Variants in ARIH1 observed in about 807,000 individuals in gnomAD.
ARIH1 encodes the protein ariadne RBR E3 ubiquitin protein ligase 1.
A neutral mutation model predicts 85.0 loss-of-function variants in ARIH1; 8 were observed. That is an observed-to-expected ratio of 0.09 (90% CI 0.06 to 0.17). The LOEUF is 0.17. Ranked by LOEUF, ARIH1 falls within the 10% of genes least tolerant of loss-of-function variation. ARIH1 has a pLI of 1.00. For synonymous variants in ARIH1, 238 were observed against 253.6 expected, an observed-to-expected ratio of 0.94 and a Z score of 0.59; for missense variants, 311 against 718.1, an observed-to-expected ratio of 0.43 and a Z score of 6.48.
At chr15:72,542,008 G>A (rs2064109419) in intron 2 of ARIH1, among the ~76,000 whole-genome samples, 1 of 152,138 alleles carries the variant, frequency 6.6e-6, no homozygotes, top group African/African-American at 2.4e-5. Flanking sequence ...GGTGTAAGCT[G>A]GAACCTAAAG....
At chr15:72,535,779 C>G (rs893707661) in intron 2 of ARIH1, among the ~76,000 whole-genome samples, 3 of 148,798 alleles carry the variant, frequency 2.0e-5, no homozygotes, top group South Asian at 2.2e-4. Flanking sequence ...TGTAGATTTC[C>G]TTTAATGCAC....
At chr15:72,503,497 A>G (rs1298554984) in intron 1 of ARIH1, among the ~76,000 whole-genome samples, 3 of 152,102 alleles carry the variant, frequency 2.0e-5, no homozygotes, top group Non-Finnish European at 2.9e-5. Flanking sequence ...TCAGTTCTGT[A>G]GTGTTCTGGT....
chr15:72,509,627 C>T (rs534318172), intron 1 of ARIH1, among the ~76,000 whole-genome samples: 14 of 152,080 alleles, frequency 9.2e-5, no homozygotes, highest in South Asian at 2.1e-4. Flanking sequence ...CTTACTCTTT[C>T]GCCCAGGCTG....
rs558694637 is a variant in ARIH1, at chr15:72,601,735, C to T, written c.*18443C>T. ...ATGTTGTGCTTTTCACTTTCTTAGTCGCTATTATTGGAGTAGGTAATACAT... is the reference window on the plus strand; with the variant it reads ...ATGTTGTGCTTTTCACTTTCTTAGTTGCTATTATTGGAGTAGGTAATACAT... On this transcript the variant is annotated 3_prime_UTR_variant, in exon 14 of 14. Transcript: ENST00000379887. The T allele has an allele frequency of 3.5e-4, 54 of 152,212 alleles. No homozygotes were observed. Among genetic ancestry groups the T allele is most frequent in the African/African-American group, 1.2e-3 (48 of 41,534 alleles). 9.4% of individuals were successfully genotyped at this position (152,212 alleles called of 1,614,324 possible). A position where few individuals can be genotyped will look rare whatever the true frequency, so the allele number is the denominator to read the frequency against.
intron 4 of ARIH1, 100 bp from the exon 5 acceptor site, chr15:72,555,752 A>AT: frequency 1.1e-6 from 1 of 926,738 alleles, no homozygotes; most frequent in Non-Finnish European, 1.7e-6. Flanking sequence ...GATCCTGTAA[A>AT]CATTAAGGTA....
At chr15:72,537,424 A>G (rs2064087376) in intron 2 of ARIH1, among the ~76,000 whole-genome samples, 1 of 152,162 alleles carries the variant, frequency 6.6e-6, no homozygotes, top group Non-Finnish European at 1.5e-5. Flanking sequence ...TTATAAATGA[A>G]AAATAGTGCT....
chr15:72,514,187 C>T (rs545584729), intron 1 of ARIH1, among the ~76,000 whole-genome samples: 230 of 152,020 alleles, frequency 1.5e-3, no homozygotes, highest in African/African-American at 5.2e-3. Context: ...CATTTCTGAA[C>T]TATACTTTTA....
chr15:72,527,443 G>A (rs981258208), intron 2 of ARIH1, among the ~76,000 whole-genome samples: 2 of 151,958 alleles, frequency 1.3e-5, no homozygotes, highest in African/African-American at 4.8e-5. Flanking sequence ...TCCTGCCTGG[G>A]AGGAATTCTC....
chr15:72,487,033 A>G (rs903253807), intron 1 of ARIH1, among the ~76,000 whole-genome samples: 9 of 151,956 alleles, frequency 5.9e-5, no homozygotes, highest in African/African-American at 2.2e-4. Flanking sequence ...TGAAGATTTA[A>G]ATGAAAAATG....
At chr15:72,493,260 AACACTTTTT>A (rs1244834197) in intron 1 of ARIH1, among the ~76,000 whole-genome samples, 1 of 151,980 alleles carries the variant, frequency 6.6e-6, no homozygotes, top group Non-Finnish European at 1.5e-5. Context: ...AATCCAGACT[AACACTTTTT>A]GGGGGGGGAG....
rs922049851 is a variant in ARIH1, at chr15:72,595,990, T to G, written c.*12698T>G. 3.9e-5 allele frequency: 6 copies of G among 152,090 alleles called. No individual in the cohort carries two copies. Among genetic ancestry groups the G allele is most frequent in the African/African-American group, 1.4e-4 (6 of 41,496 alleles). The allele number at this position is 152,090 out of a possible 1,614,324, so 9.4% of individuals were successfully genotyped here. A position where few individuals can be genotyped will look rare whatever the true frequency, so the allele number is the denominator to read the frequency against. ...CACATGTCACCAAGCTCAGCTAACT[T>G]TTATATTTTTAGTAGAAACGGGGTT... is the stretch of plus-strand genomic sequence containing the variant. On this transcript the variant is annotated 3_prime_UTR_variant, in exon 14 of 14. Transcript: ENST00000379887.
Position 72,560,459 on chromosome 15 carries a change from A to C in ARIH1, c.738-1024A>C, listed in dbSNP as rs150107369. 3.3e-4 allele frequency among the ~76,000 whole-genome samples: 51 copies of C among 152,278 alleles called. 1 individual carries two copies. The East Asian group carries it at 9.1e-3, about 27-fold the overall frequency. Reference sequence around the variant, plus strand: ...TCTCACAACCATGTTTCTGATATCTATTTTACAGATTAGTAACTGAGAAAT... The same window carrying C: ...TCTCACAACCATGTTTCTGATATCTCTTTTACAGATTAGTAACTGAGAAAT... On this transcript the variant is annotated intron_variant, in intron 5 of 13. Coordinates refer to ENST00000379887, the MANE Select transcript of ARIH1 (RefSeq NM_005744.5).
At chr15:72,507,952 G>A (rs2063933544) in intron 1 of ARIH1, among the ~76,000 whole-genome samples, 1 of 152,218 alleles carries the variant, frequency 6.6e-6, no homozygotes, top group South Asian at 2.1e-4. Flanking sequence ...AGCCTGTGTA[G>A]TGGGAAATTG....
chr15:72,544,276 G>T (rs1017404977), intron 2 of ARIH1, among the ~76,000 whole-genome samples: 2 of 152,036 alleles, frequency 1.3e-5, no homozygotes, highest in Admixed American at 6.5e-5. Flanking sequence ...TTTTTAAGAT[G>T]ATTTGTGCAG....
In ARIH1 at chr15:72,476,345, G is replaced by A. The variant is rs183727724; in HGVS notation, c.375+1331G>A. 1.4e-3 allele frequency among the ~76,000 whole-genome samples: 215 copies of A among 152,228 alleles called. 1 individual carries two copies. Among genetic ancestry groups the A allele is most frequent in the East Asian group, 1.9e-3 (10 of 5,178 alleles). ...AATCTAGAGAACACAGTCTAAGAAG[G>A]AAGTTGAGGATTGTAGAAGATAATT... On this transcript the variant is annotated intron_variant, in intron 1 of 13. Transcript: ENST00000379887.
rs542559263 is a variant in ARIH1 at position 72,480,039 on chromosome 15, T to C, written c.375+5025T>C. On this transcript the variant is annotated intron_variant, in intron 1 of 13. Transcript: ENST00000379887. Reference sequence around the variant, plus strand: ...GCCGCTACCATGCCTGGCTAATTTTTTTGTATTTTTTAGTAGAGATGGGGT... The same window carrying C: ...GCCGCTACCATGCCTGGCTAATTTTCTTGTATTTTTTAGTAGAGATGGGGT... Among the ~76,000 whole-genome samples the C allele has an allele frequency of 1.2e-4, 18 of 151,932 alleles. 1 individual carries two copies. In the South Asian group the frequency reaches 3.7e-3, roughly 32 times the overall value.
intron 1 of ARIH1, among the ~76,000 whole-genome samples, chr15:72,506,358 A>AAAAAAAAAAAAAAAAAAAAG (rs1288918971): frequency 6.7e-6 from 1 of 148,508 alleles, no homozygotes; most frequent in South Asian, 2.1e-4. Flanking sequence ...TCACAAAAAA[A>AAAAAAAAAAAAAAAAAAAAG]AAAAAAAGAA....
chr15:72,518,946 T>C (rs974032387), intron 2 of ARIH1, among the ~76,000 whole-genome samples: 1 of 152,102 alleles, frequency 6.6e-6, no homozygotes, highest in African/African-American at 2.4e-5. Flanking sequence ...TTCTATTCCA[T>C]TGGGTTTTTA....
chr15:72,561,436 T>C (rs1328153870), intron 5 of ARIH1, 47 bp from the exon 6 acceptor site: 1 of 1,357,674 alleles, frequency 7.4e-7, no homozygotes, highest in South Asian at 1.2e-5. Flanking sequence ...ATGTGGAAAA[T>C]ACTCTTGACT....
Sources: gnomAD v4.1 joint callset for allele counts (sites outside exome capture counted in the v4.1 genomes callset) on GRCh38, gnomAD v4.1.1 for gene constraint, MANE v1.5 for transcripts, NCBI Gene and HGNC (gene_info 2026-07-23, HGNC 2026-07-21) for gene names.